IGLON5: variants seen among roughly 807,000 people sequenced by gnomAD.
The protein encoded by IGLON5 is IgLON family member 5, also known as Ig-like domain-containing protein ENSP00000270642.
Under a neutral mutation model 38.2 loss-of-function variants are expected in IGLON5, and 16 were observed. That is an observed-to-expected ratio of 0.42 (90% CI 0.28 to 0.64). IGLON5 has a LOEUF of 0.64. Ranked by LOEUF, IGLON5 falls within the 30% of genes least tolerant of loss-of-function variation. The pLI, the probability that IGLON5 is intolerant of heterozygous loss-of-function variation, is 0.23. For synonymous variants in IGLON5, 207 were observed against 216.4 expected (o/e 0.96, Z 0.38); for missense variants, 366 against 483.4 (o/e 0.76, Z 2.28).
chr19:51,319,555 C>T (rs73932769), intron 1 of IGLON5, among the ~76,000 whole-genome samples: 51 of 152,130 alleles, frequency 3.4e-4, no homozygotes, highest in African/African-American at 1.2e-3. Context: ...GTGTGTGTGT[C>T]TGTCTTCACC....
At position 51,327,920 on chromosome 19, in the gene IGLON5, G is replaced by A. The variant is rs1489186877; in HGVS notation, c.922+34G>A. On this transcript the variant is annotated intron_variant, in intron 7 of 7. Transcript: ENST00000270642. The surrounding 1 kb of genome is among the most constrained non-coding windows in gnomAD (Gnocchi z 7.1). ...TCGGGCGGGGCGGGGCCGGGAAGGT[G>A]GGCGGGGCCGGGGGCGGGGCTAGGG... 6.8e-7 allele frequency: 1 copy of A among 1,464,720 alleles called. No homozygotes were observed. Among genetic ancestry groups the A allele is most frequent in the Non-Finnish European group, 9.0e-7 (1 of 1,108,334 alleles). 90.7% of individuals were successfully genotyped at this position (1,464,720 alleles called of 1,614,324 possible).
rs1236502598 is a variant in IGLON5, at chr19:51,330,828, A to G, written c.*2069A>G. On this transcript the variant is annotated 3_prime_UTR_variant, in exon 8 of 8. Coordinates refer to ENST00000270642, the MANE Select transcript of IGLON5 (RefSeq NM_001101372.3). The stretch of plus-strand genomic sequence containing the variant: ...TATATATCATTTGAGCAGCTGGATC[A>G]AAACTTAACTGATGCCCATTTTCAC... 6.6e-6 allele frequency among the ~76,000 whole-genome samples: 1 copy of G among 152,226 alleles called. No homozygotes were observed. Among genetic ancestry groups the G allele is most frequent in the East Asian group, 1.9e-4 (1 of 5,204 alleles).
intron 1 of IGLON5, among the ~76,000 whole-genome samples, chr19:51,314,237 G>T (rs1315975406): frequency 6.8e-6 from 1 of 147,000 alleles, no homozygotes; most frequent in African/African-American, 2.5e-5. Context: ...AGGCTGGAGT[G>T]TAGTGGCATA....
chr19:51,326,864 G>A lies in IGLON5; in HGVS notation c.612G>A (p.Ala204=). The part of the protein sequence containing the change: ...ECVTHNGVNS[A]PDSRRVLVTV... The stretch of plus-strand genomic sequence containing the variant: ...TGACTCACAACGGGGTTAACTCGGC[G>A]CCCGACAGCCGCCGCGTGCTGGTCA... Residue 204 remains alanine, a synonymous_variant, in exon 5 of 8, where the codon GCG becomes GCA. Coordinates refer to ENST00000270642, the MANE Select transcript of IGLON5 (RefSeq NM_001101372.3). The A allele has an allele frequency of 6.4e-7, 1 of 1,561,690 alleles. No homozygotes were observed. Among genetic ancestry groups the A allele is most frequent in the Non-Finnish European group, 8.7e-7 (1 of 1,153,036 alleles).
chr19:51,321,593 G>C (rs993470828), intron 1 of IGLON5, among the ~76,000 whole-genome samples: 1 of 152,172 alleles, frequency 6.6e-6, no homozygotes, highest in African/African-American at 2.4e-5. Context: ...ATGTGTCTGT[G>C]TGTATGTCTT....
Position 51,327,952 on chromosome 19 carries a change from A to C in IGLON5, c.922+66A>C, listed in dbSNP as rs1985260044. Reference sequence around the variant, plus strand: ...GCCGGGGGCGGGGCTAGGGAAGTGGAGACGCCGGGACCGCCCTTCAGGCTG... The same window carrying C: ...GCCGGGGGCGGGGCTAGGGAAGTGGCGACGCCGGGACCGCCCTTCAGGCTG... On this transcript the variant is annotated intron_variant, in intron 7 of 7. Coordinates refer to ENST00000270642, the MANE Select transcript of IGLON5 (RefSeq NM_001101372.3). The surrounding 1 kb of genome is among the most constrained non-coding windows in gnomAD (Gnocchi z 7.1). 2 of 1,426,390 alleles carry C rather than the reference A, an allele frequency of 1.4e-6. No individual in the cohort carries two copies. The highest frequency in any genetic ancestry group is 2.9e-5 in the South Asian group (2 of 69,082). 88.4% of individuals were successfully genotyped at this position (1,426,390 alleles called of 1,614,324 possible).
At chr19:51,316,487 T>TCTTTA (rs1984929707) in intron 1 of IGLON5, among the ~76,000 whole-genome samples, 1 of 149,896 alleles carries the variant, frequency 6.7e-6, no homozygotes, top group African/African-American at 2.4e-5. Context: ...GTTTTTCTTT[T>TCTTTA]CTTTTCTTTT....
intron 2 of IGLON5, among the ~76,000 whole-genome samples, chr19:51,323,133 T>G (rs564899931): frequency 2.0e-5 from 3 of 148,498 alleles, no homozygotes; most frequent in Non-Finnish European, 3.0e-5. Context: ...CCCCTCTCTT[T>G]CTGGGTCTCT....
Position 51,328,879 on chromosome 19 carries a change from AAGAG to A in IGLON5, c.*125_*128del, listed in dbSNP as rs1490056622. On this transcript the variant is annotated 3_prime_UTR_variant, in exon 8 of 8. Transcript: ENST00000270642. Reference sequence around the variant, plus strand: ...GAAGAGCTCTCGGCCACCAAGGAAGAAGAGAGAGGAGAAGAGGAGGAGGCAGAGG... The same window carrying A: ...GAAGAGCTCTCGGCCACCAAGGAAGAAGAGGAGAAGAGGAGGAGGCAGAGG... 4.9e-6 allele frequency: 3 copies of A among 610,696 alleles called. No homozygotes were observed. In the South Asian group the frequency reaches 6.7e-5, roughly 14 times the overall value. 37.8% of individuals were successfully genotyped at this position (610,696 alleles called of 1,614,324 possible).
At chr19:51,326,030 G>A (rs1034925192) in intron 4 of IGLON5, among the ~76,000 whole-genome samples, 1 of 151,986 alleles carries the variant, frequency 6.6e-6, no homozygotes, top group Non-Finnish European at 1.5e-5. Context: ...ACCCACAAAC[G>A]GCGCCAGAGT....
chr19:51,325,344 A>T lies in IGLON5; in HGVS notation c.392-2A>T. ...ATATTCAGCCTCTGCCGCTGCCCGC[A>T]GTCCCTGCCCGCATTGTGAACATCT... On this transcript the variant is annotated splice_acceptor_variant, in intron 3 of 7. Coordinates refer to ENST00000270642, the MANE Select transcript of IGLON5 (RefSeq NM_001101372.3). LOFTEE classifies it high-confidence loss of function. The surrounding 1 kb of genome is among the most constrained non-coding windows in gnomAD (Gnocchi z 5.5). 6.2e-7 allele frequency: 1 copy of T among 1,613,488 alleles called. No individual in the cohort carries two copies. The highest frequency in any genetic ancestry group is 8.5e-7 in the Non-Finnish European group (1 of 1,179,706).
chr19:51,314,542 G>A (rs565893396), intron 1 of IGLON5, among the ~76,000 whole-genome samples: 10 of 152,278 alleles, frequency 6.6e-5, no homozygotes, highest in Admixed American at 4.6e-4. Context: ...GCAGGAAGCT[G>A]TGGCAGAGCC....
chr19:51,316,302 G>C (rs920619408), intron 1 of IGLON5, among the ~76,000 whole-genome samples: 5 of 145,458 alleles, frequency 3.4e-5, no homozygotes, highest in African/African-American at 1.3e-4. Flanking sequence ...CCAAGATGGT[G>C]CCACTGCATT....
At position 51,327,724 on chromosome 19, in the gene IGLON5, C is replaced by A; in HGVS notation, c.768-8C>A. On this transcript the variant is annotated splice_region_variant and splice_polypyrimidine_tract_variant and intron_variant, in intron 6 of 7. Transcript: ENST00000270642. The surrounding 1 kb of genome is among the most constrained non-coding windows in gnomAD (Gnocchi z 7.1). ...TGCGGCCCGGCCCCTGACCCGGATC[C>A]CTGGCAGGCTGAGCAGCGGCACGGC... The A allele has an allele frequency of 6.4e-7, 1 of 1,565,164 alleles. No individual in the cohort carries two copies. Among genetic ancestry groups the A allele is most frequent in the Non-Finnish European group, 8.6e-7 (1 of 1,159,660 alleles).
chr19:51,328,999 C>T lies in IGLON5; in HGVS notation c.*240C>T, dbSNP rs1024394981. ...CATTCTCGCCACCCGTTCACGTTTC[C>T]GATTGTGACCCACTCCCGCCACCCC... On this transcript the variant is annotated 3_prime_UTR_variant, in exon 8 of 8. Transcript: ENST00000270642. The T allele has an allele frequency of 5.4e-5, 24 of 444,054 alleles. No homozygotes were observed. Among genetic ancestry groups the T allele is most frequent in the East Asian group, 4.7e-4 (12 of 25,354 alleles). 27.5% of individuals were successfully genotyped at this position (444,054 alleles called of 1,614,324 possible). A position where few individuals can be genotyped will look rare whatever the true frequency, so the allele number is the denominator to read the frequency against.
chr19:51,324,432 C>A lies in IGLON5; in HGVS notation c.391+538C>A, dbSNP rs990262459. The stretch of plus-strand genomic sequence containing the variant: ...GGAGAGATGGGGCTGGAGAGCTCCA[C>A]AGTGAGGCGAGAGGCAGAGGGCATC... On this transcript the variant is annotated intron_variant, in intron 3 of 7. Coordinates refer to ENST00000270642, the MANE Select transcript of IGLON5 (RefSeq NM_001101372.3). This position sits in a 1 kb window ranked among gnomAD's most constrained non-coding sequence, Gnocchi z 4.2. Among the ~76,000 whole-genome samples the A allele has an allele frequency of 1.3e-5, 2 of 152,120 alleles. No homozygotes were observed. Among genetic ancestry groups the A allele is most frequent in the Non-Finnish European group, 1.5e-5 (1 of 68,032 alleles).
chr19:51,314,187 A>ATTT (rs34052497), intron 1 of IGLON5, among the ~76,000 whole-genome samples: 2,279 of 131,052 alleles, frequency 0.017, 62 homozygotes, highest in African/African-American at 0.052. Flanking sequence ...CACATTCACT[A>ATTT]TTTTTTTTTT....
chr19:51,326,933 C>T (rs916025692), intron 5 of IGLON5, 35 bp downstream of exon 5: 20 of 1,571,042 alleles, frequency 1.3e-5, no homozygotes, highest in Non-Finnish European at 1.6e-5. Context: ...GAAAGGGTGG[C>T]GGACCCCCGA....
intron 7 of IGLON5, among the ~76,000 whole-genome samples, chr19:51,328,367 C>T (rs1479695848): frequency 7.2e-6 from 1 of 139,176 alleles, no homozygotes; most frequent in Non-Finnish European, 1.5e-5. Flanking sequence ...CAAAAATTAG[C>T]CAGGCGTAGT....
Sources: allele counts gnomAD v4.1 joint callset (sites outside exome capture counted in the v4.1 genomes callset), GRCh38; gene constraint gnomAD v4.1.1; non-coding constraint Gnocchi (gnomAD v3.1); transcripts MANE v1.5; gene names NCBI Gene and HGNC (gene_info 2026-07-23, HGNC 2026-07-21).